The following SYNPR variants were observed in gnomAD, a reference collection of about 807,000 sequenced individuals.
SYNPR encodes synaptoporin.
SYNPR carries 23 observed loss-of-function variants against 32.9 expected under a neutral mutation model. The observed-to-expected ratio is 0.70, with a 90% CI of 0.50 to 0.99. The LOEUF (loss-of-function observed/expected upper bound fraction) is 0.99. Among genes scored for constraint, SYNPR ranks in the 50% least tolerant of loss-of-function variants. SYNPR has a pLI of 0.00. For missense variants in SYNPR, 318 were observed against 349.3 expected, an observed-to-expected ratio of 0.91 and a Z score of 0.71; for synonymous variants, 146 against 135.9, an observed-to-expected ratio of 1.07 and a Z score of -0.52.
chr3:63,547,977 T>A (rs1326458459), intron 3 of SYNPR, among the ~76,000 whole-genome samples: 1 of 152,140 alleles, frequency 6.6e-6, no homozygotes, highest in African/African-American at 2.4e-5. Flanking sequence ...GCAGTAGAAG[T>A]GAAATCACCA....
chr3:63,224,445 A>C (rs1286828780), upstream of SYNPR, among the ~76,000 whole-genome samples: 1 of 152,212 alleles, frequency 6.6e-6, no homozygotes, highest in Non-Finnish European at 1.5e-5. Context: ...AGAAGACATG[A>C]CTAATTTTTA....
At chr3:63,443,121 G>A in intron 2 of SYNPR, 1 of 1,127,906 alleles carries the variant, frequency 8.9e-7, no homozygotes, top group Non-Finnish European at 1.1e-6. Context: ...GCCAAGTGTG[G>A]GAGCTCACCA....
intron 2 of SYNPR, among the ~76,000 whole-genome samples, chr3:63,401,997 A>C (rs193198401): frequency 6.6e-6 from 1 of 152,284 alleles, no homozygotes; most frequent in Non-Finnish European, 1.5e-5. Flanking sequence ...TGATCCTAAG[A>C]GAGATGCATT....
chr3:63,346,349 T>C (rs1419119364), intron 2 of SYNPR, among the ~76,000 whole-genome samples: 1 of 152,242 alleles, frequency 6.6e-6, no homozygotes, highest in Non-Finnish European at 1.5e-5. Flanking sequence ...AAACCACTGT[T>C]GAAGTATGCG....
intron 2 of SYNPR, among the ~76,000 whole-genome samples, chr3:63,475,677 T>C (rs2106684872): frequency 6.6e-6 from 1 of 152,294 alleles, no homozygotes; most frequent in South Asian, 2.1e-4. Context: ...AATGGAGATC[T>C]GTCTCTCTAG....
intron 4 of SYNPR, 45 bp from the exon 5 acceptor site, chr3:63,609,080 C>G: frequency 6.5e-7 from 1 of 1,536,690 alleles, no homozygotes; most frequent in Non-Finnish European, 8.7e-7. Context: ...GTTTCTAGAA[C>G]TCACATTTTC....
chr3:63,548,377 G>A (rs1702447404), intron 3 of SYNPR, among the ~76,000 whole-genome samples: 1 of 151,796 alleles, frequency 6.6e-6, no homozygotes, highest in South Asian at 2.1e-4. Flanking sequence ...ATGTTGGGGG[G>A]CTACTTGGGG....
intron 2 of SYNPR, among the ~76,000 whole-genome samples, chr3:63,264,835 G>A (rs2086469662): frequency 1.3e-5 from 2 of 152,022 alleles, no homozygotes; most frequent in Non-Finnish European, 2.9e-5. Flanking sequence ...GGGCAAGCCG[G>A]GGAAATTCCA....
intron 2 of SYNPR, among the ~76,000 whole-genome samples, chr3:63,407,936 T>C (rs1283201882): frequency 6.6e-6 from 1 of 151,958 alleles, no homozygotes; most frequent in African/African-American, 2.4e-5. Flanking sequence ...TGTTGGGGCT[T>C]GGCAAAGATA....
intron 4 of SYNPR, among the ~76,000 whole-genome samples, chr3:63,602,138 T>C (rs1700053872): frequency 6.6e-6 from 1 of 152,240 alleles, no homozygotes; most frequent in Admixed American, 6.5e-5. Context: ...GCCATATGTA[T>C]GTCTTCTTTT....
chr3:63,270,949 TCTTCCTTCCTTCCTTCCTTCTTTTCTTC>T (rs765242043), intron 3 of SYNPR, among the ~76,000 whole-genome samples: 17,427 of 48,314 alleles, frequency 0.36, 1,563 homozygotes, highest in Non-Finnish European at 0.44. Flanking sequence ...TTCCTTCTTT[TCTTCCTTCCTTCCTTCCTTCTTTTCTTC>T]CTTCCTTCCT....
intron 2 of SYNPR, among the ~76,000 whole-genome samples, chr3:63,377,961 G>T (rs2087916314): frequency 6.6e-6 from 1 of 151,852 alleles, no homozygotes; most frequent in Admixed American, 6.6e-5. Context: ...TAAAAATTCA[G>T]ATTATGAATT....
chr3:63,372,039 C>T (rs2087819429), intron 2 of SYNPR, among the ~76,000 whole-genome samples: 2 of 152,140 alleles, frequency 1.3e-5, no homozygotes, highest in Non-Finnish European at 2.9e-5. Flanking sequence ...CACAGAACAG[C>T]CATCCCATGC....
chr3:63,501,308 G>A (rs376405281), intron 3 of SYNPR, among the ~76,000 whole-genome samples: 10 of 151,970 alleles, frequency 6.6e-5, no homozygotes, highest in Non-Finnish European at 1.0e-4. Flanking sequence ...GTGAAACCTC[G>A]TCTTTACAAA....
At chr3:63,365,296 A>G (rs2087717481) in intron 2 of SYNPR, among the ~76,000 whole-genome samples, 1 of 152,142 alleles carries the variant, frequency 6.6e-6, no homozygotes, top group African/African-American at 2.4e-5. Flanking sequence ...TTCAAACTTG[A>G]AGGTATTTAA....
intron 4 of SYNPR, among the ~76,000 whole-genome samples, chr3:63,567,516 C>T (rs1702811943): frequency 6.6e-6 from 1 of 152,184 alleles, no homozygotes; most frequent in Admixed American, 6.5e-5. Flanking sequence ...AGAACAAGCA[C>T]ACACTCACAC....
chr3:63,486,139 C>T (rs867230496), intron 3 of SYNPR, among the ~76,000 whole-genome samples: 2 of 152,158 alleles, frequency 1.3e-5, no homozygotes. Flanking sequence ...AAACTCCTGA[C>T]CTCAAGTGAT....
intron 2 of SYNPR, among the ~76,000 whole-genome samples, chr3:63,416,548 A>C (rs1264593793): frequency 6.8e-6 from 1 of 147,838 alleles, no homozygotes; most frequent in East Asian, 1.9e-4. Flanking sequence ...AAAAAAAAAA[A>C]AAAACCAAAA....
At chr3:63,250,815 G>A (rs1348277146) in intron 1 of SYNPR, among the ~76,000 whole-genome samples, 1 of 152,076 alleles carries the variant, frequency 6.6e-6, no homozygotes, top group Non-Finnish European at 1.5e-5. Flanking sequence ...CAGACTTTTG[G>A]TTCAAGATGA....
Sources: allele counts gnomAD v4.1 joint callset (sites outside exome capture counted in the v4.1 genomes callset), GRCh38; gene constraint gnomAD v4.1.1; transcripts MANE v1.5; gene names NCBI Gene and HGNC (gene_info 2026-07-23, HGNC 2026-07-21).